ROBO1: variants seen among roughly 807,000 people sequenced by gnomAD.
ROBO1 encodes roundabout guidance receptor 1, also known as roundabout homolog 1.
ROBO1 carries 149 observed loss-of-function variants against 195.9 expected under a neutral mutation model. That is an observed-to-expected ratio of 0.76 (90% confidence interval 0.67 to 0.87). The LOEUF is 0.87. Ranked by LOEUF, ROBO1 falls within the 40% of genes least tolerant of loss-of-function variation. The pLI, the probability that ROBO1 is intolerant of heterozygous loss-of-function variation, is 0.00. For synonymous variants in ROBO1, 816 were observed against 733.2 expected (o/e 1.11, Z -1.82); for missense variants, 1,933 against 2,068.3 (o/e 0.93, Z 1.27).
At chr3:79,067,448 T>C (rs1410787545) in intron 3 of ROBO1, among the ~76,000 whole-genome samples, 1 of 151,934 alleles carries the variant, frequency 6.6e-6, no homozygotes, top group Non-Finnish European at 1.5e-5. Context: ...GCTAGTAAAA[T>C]TGTACTGAAT....
At chr3:79,055,697 C>T (rs1355184921) in intron 3 of ROBO1, among the ~76,000 whole-genome samples, 3 of 152,070 alleles carry the variant, frequency 2.0e-5, no homozygotes, top group African/African-American at 2.4e-5. Flanking sequence ...GAGTTTGTTC[C>T]TGGACTCGGT....
chr3:79,749,339 G>C (rs906491037), intron 1 of ROBO1, among the ~76,000 whole-genome samples: 18 of 152,210 alleles, frequency 1.2e-4, no homozygotes, highest in African/African-American at 4.3e-4. Flanking sequence ...TTTTATAACA[G>C]AAGCAGAGCA....
chr3:78,751,652 C>T (rs969246758), intron 4 of ROBO1, among the ~76,000 whole-genome samples: 4 of 152,126 alleles, frequency 2.6e-5, no homozygotes, highest in Non-Finnish European at 5.9e-5. Context: ...TCCCTCCTGA[C>T]AATCATATGG....
intron 1 of ROBO1, among the ~76,000 whole-genome samples, chr3:79,616,704 C>T (rs1179440142): frequency 6.6e-6 from 1 of 152,076 alleles, no homozygotes; most frequent in African/African-American, 2.4e-5. Context: ...GATCTTCTCT[C>T]ACCCCCTTAT....
Position 78,669,311 on chromosome 3 carries a change from C to T in ROBO1, c.1549-746G>A, listed in dbSNP as rs947073441. 2.6e-5 allele frequency among the ~76,000 whole-genome samples: 4 copies of T among 152,274 alleles called. No homozygotes were observed. The East Asian group carries it at 7.7e-4, about 29-fold the overall frequency. On this transcript the variant is annotated intron_variant, in intron 11 of 30. Coordinates refer to ENST00000464233, the MANE Select transcript of ROBO1 (RefSeq NM_002941.4). ...GCCCTGGCAATTGCAGGAACCAAGT[C>T]ACAACAGTCACAAAGCAGCACAACA... is the stretch of plus-strand genomic sequence containing the variant.
chr3:79,575,274 A>G (rs1191000725), intron 2 of ROBO1, among the ~76,000 whole-genome samples: 1 of 124,688 alleles, frequency 8.0e-6, no homozygotes, highest in Non-Finnish European at 1.6e-5. Flanking sequence ...TATATAACAA[A>G]TATATATATA....
chr3:78,904,712 ATATG>A (rs1559983672), intron 4 of ROBO1, among the ~76,000 whole-genome samples: 1 of 149,984 alleles, frequency 6.7e-6, no homozygotes, highest in Non-Finnish European at 1.5e-5. Context: ...ATGTATATAT[ATATG>A]TATATGTATA....
At chr3:78,802,869 T>C (rs2108584463) in intron 4 of ROBO1, among the ~76,000 whole-genome samples, 1 of 152,266 alleles carries the variant, frequency 6.6e-6, no homozygotes, top group South Asian at 2.1e-4. Context: ...TGTTCTTACT[T>C]TGTAAATATA....
intron 2 of ROBO1, among the ~76,000 whole-genome samples, chr3:79,256,720 T>G (rs2082840914): frequency 6.6e-6 from 1 of 152,148 alleles, no homozygotes; most frequent in Non-Finnish European, 1.5e-5. Flanking sequence ...CTTTCTGTGA[T>G]TAAAGAAAAA....
chr3:78,756,153 A>C (rs2082924895), intron 4 of ROBO1, among the ~76,000 whole-genome samples: 1 of 152,156 alleles, frequency 6.6e-6, no homozygotes, highest in East Asian at 1.9e-4. Flanking sequence ...CATGACCGCT[A>C]GTCATTGATA....
Position 78,606,847 on chromosome 3 carries a change from G to T in ROBO1, c.4630C>A (p.Arg1544=). 1 of 1,613,624 alleles carries T rather than the reference G, an allele frequency of 6.2e-7. No individual in the cohort carries two copies. Among genetic ancestry groups the T allele is most frequent in the Non-Finnish European group, 8.5e-7 (1 of 1,179,826 alleles). Reference sequence around the variant, plus strand: ...TCTCTGGGATCACCTGGATTTGTTCGCATGTCAACAACCTGTCTTCCATCC... The same window carrying T: ...TCTCTGGGATCACCTGGATTTGTTCTCATGTCAACAACCTGTCTTCCATCC... ...VLDGRQVVDM[R]TNPGDPREAQ... Residue 1544 remains arginine, a synonymous_variant, in exon 29 of 31, where the codon CGA becomes AGA. Transcript: ENST00000464233.
At chr3:79,216,949 A>T (rs77818480) in intron 2 of ROBO1, among the ~76,000 whole-genome samples, 3,373 of 152,142 alleles carry the variant, frequency 0.022, 121 homozygotes, top group African/African-American at 0.073. Flanking sequence ...TTAAGATATC[A>T]TTAAAGTAAG....
At chr3:79,247,667 A>G (rs1312352585) in intron 2 of ROBO1, among the ~76,000 whole-genome samples, 2 of 152,094 alleles carry the variant, frequency 1.3e-5, no homozygotes, top group Admixed American at 6.6e-5. Context: ...TTCAAGCTTC[A>G]GTCCACAAAA....
chr3:79,511,072 G>A (rs944052969), intron 2 of ROBO1, among the ~76,000 whole-genome samples: 2 of 151,886 alleles, frequency 1.3e-5, no homozygotes, highest in African/African-American at 2.4e-5. Flanking sequence ...CAAGATACTC[G>A]GGATGACCAT....
At chr3:78,670,562 C>T (rs1010635509) in intron 10 of ROBO1, 6 of 403,716 alleles carry the variant, frequency 1.5e-5, no homozygotes, top group East Asian at 9.2e-5. Flanking sequence ...TTAAAGAGTT[C>T]GGGAATTAGG....
intron 2 of ROBO1, among the ~76,000 whole-genome samples, chr3:79,342,398 T>G (rs750258204): frequency 4.6e-5 from 7 of 152,208 alleles, no homozygotes; most frequent in Non-Finnish European, 1.0e-4. Context: ...GAGAAAGTGA[T>G]AAATTTGTCA....
chr3:79,556,216 C>G (rs961745792), intron 2 of ROBO1, among the ~76,000 whole-genome samples: 2 of 152,004 alleles, frequency 1.3e-5, no homozygotes, highest in African/African-American at 4.8e-5. Flanking sequence ...TAAGTTATCA[C>G]TATTTGTAAG....
At chr3:79,013,288 A>G (rs1166190664) in intron 3 of ROBO1, among the ~76,000 whole-genome samples, 1 of 152,220 alleles carries the variant, frequency 6.6e-6, no homozygotes, top group Non-Finnish European at 1.5e-5. Context: ...TTTCCAAAAT[A>G]CAACTCGAAA....
intron 2 of ROBO1, among the ~76,000 whole-genome samples, chr3:79,488,334 C>A (rs1428253441): frequency 6.6e-6 from 1 of 152,070 alleles, no homozygotes; most frequent in African/African-American, 2.4e-5. Context: ...AAAATATCAT[C>A]AGATCATTTG....
Sources: gnomAD v4.1 joint callset for allele counts (sites outside exome capture counted in the v4.1 genomes callset) on GRCh38, gnomAD v4.1.1 for gene constraint, MANE v1.5 for transcripts, NCBI Gene and HGNC (gene_info 2026-07-23, HGNC 2026-07-21) for gene names.